Variants in IMMP2L observed in about 807,000 individuals in gnomAD.
The protein encoded by IMMP2L is inner mitochondrial membrane peptidase subunit 2.
Under a neutral mutation model 19.3 loss-of-function variants are expected in IMMP2L, and 18 were observed. The ratio of observed to expected loss-of-function variants is 0.93; its 90% confidence interval spans 0.64 to 1.38. The LOEUF is 1.38. Ranked by LOEUF, IMMP2L falls within the 40% of genes most tolerant of loss-of-function variation. The probability of loss-of-function intolerance (pLI) is 0.00; values close to 1 mark genes in which losing one functional copy is unlikely to be tolerated. For missense variants in IMMP2L, 233 were observed against 218.2 expected (o/e 1.07, Z -0.43); for synonymous variants, 76 against 73.0 (o/e 1.04, Z -0.21).
chr7:111,198,408 A>G (rs762139478), intron 3 of IMMP2L, among the ~76,000 whole-genome samples: 1 of 152,124 alleles, frequency 6.6e-6, no homozygotes, highest in Non-Finnish European at 1.5e-5. Context: ...CCTAACCCGT[A>G]CAAGCAGTTA....
chr7:111,109,868 G>A (rs947360675), intron 3 of IMMP2L, among the ~76,000 whole-genome samples: 15 of 152,194 alleles, frequency 9.9e-5, no homozygotes, highest in Non-Finnish European at 7.4e-5. Context: ...GGGCGCGGTG[G>A]CTCATGCCTG....
intron 3 of IMMP2L, among the ~76,000 whole-genome samples, chr7:111,267,195 C>T (rs1276544919): frequency 6.6e-6 from 1 of 151,928 alleles, no homozygotes; most frequent in Non-Finnish European, 1.5e-5. Flanking sequence ...GATAATCTTT[C>T]TTTCTTCTTA....
intron 3 of IMMP2L, among the ~76,000 whole-genome samples, chr7:110,972,964 A>C (rs950525000): frequency 1.3e-5 from 2 of 152,240 alleles, no homozygotes; most frequent in Admixed American, 6.5e-5. Context: ...TTAGCCTGAA[A>C]AACTTCTATT....
chr7:110,953,903 T>C (rs1818098510), intron 4 of IMMP2L, among the ~76,000 whole-genome samples: 1 of 152,180 alleles, frequency 6.6e-6, no homozygotes, highest in African/African-American at 2.4e-5. Context: ...TTTACTTGCA[T>C]TTCTCTGATG....
chr7:110,894,935 T>A (rs1256413655), intron 4 of IMMP2L, among the ~76,000 whole-genome samples: 2 of 152,184 alleles, frequency 1.3e-5, no homozygotes, highest in Non-Finnish European at 2.9e-5. Flanking sequence ...AAAAAACTAT[T>A]CTTTCTCCCT....
intron 3 of IMMP2L, among the ~76,000 whole-genome samples, chr7:111,039,400 T>C (rs2129570590): frequency 6.6e-6 from 1 of 152,306 alleles, no homozygotes; most frequent in South Asian, 2.1e-4. Context: ...TAAGCAAATC[T>C]CTATTAACCG....
At chr7:111,053,633 G>A (rs527620614) in intron 3 of IMMP2L, among the ~76,000 whole-genome samples, 4 of 152,252 alleles carry the variant, frequency 2.6e-5, no homozygotes, top group Admixed American at 2.0e-4. Flanking sequence ...TCCTGGTGGT[G>A]GGGGCTGAGG....
intron 3 of IMMP2L, among the ~76,000 whole-genome samples, chr7:111,282,548 C>G (rs1820010653): frequency 1.3e-5 from 2 of 151,920 alleles, no homozygotes; most frequent in South Asian, 4.2e-4. Flanking sequence ...ACAGATGATT[C>G]AACAATAATA....
intron 3 of IMMP2L, among the ~76,000 whole-genome samples, chr7:111,157,637 A>G (rs914955369): frequency 6.6e-6 from 1 of 152,106 alleles, no homozygotes; most frequent in African/African-American, 2.4e-5. Context: ...GGTTTGATAG[A>G]ATGAATAAGA....
At chr7:111,229,225 C>T (rs1284444382) in intron 3 of IMMP2L, among the ~76,000 whole-genome samples, 3 of 151,744 alleles carry the variant, frequency 2.0e-5, no homozygotes, top group Non-Finnish European at 4.4e-5. Flanking sequence ...TTTTATAATA[C>T]TTTTTTAAAA....
chr7:110,868,474 AG>A (rs1808221620), intron 5 of IMMP2L, among the ~76,000 whole-genome samples: 1 of 152,118 alleles, frequency 6.6e-6, no homozygotes, highest in South Asian at 2.1e-4. Context: ...ATCCAGGCCC[AG>A]AGGCTGGGGG....
At chr7:110,915,387 C>A (rs1045877101) in intron 4 of IMMP2L, among the ~76,000 whole-genome samples, 2 of 146,762 alleles carry the variant, frequency 1.4e-5, no homozygotes, top group African/African-American at 5.0e-5. Flanking sequence ...TGTGTAATAT[C>A]ACTTATGTGT....
intron 3 of IMMP2L, among the ~76,000 whole-genome samples, chr7:111,285,583 A>C (rs1820397227): frequency 6.6e-6 from 1 of 152,212 alleles, no homozygotes; most frequent in Non-Finnish European, 1.5e-5. Context: ...ATGCTCATGC[A>C]ATTCAATTTT....
chr7:111,307,557 T>A (rs753783895), intron 3 of IMMP2L, among the ~76,000 whole-genome samples: 2 of 151,712 alleles, frequency 1.3e-5, no homozygotes, highest in South Asian at 4.1e-4. Flanking sequence ...ATATATAACA[T>A]ATAAACTTTG....
chr7:111,335,853 A>C (rs2130727112), intron 3 of IMMP2L, among the ~76,000 whole-genome samples: 1 of 152,262 alleles, frequency 6.6e-6, no homozygotes, highest in South Asian at 2.1e-4. Context: ...GTATGTATAT[A>C]ATTTCATGGA....
intron 2 of IMMP2L, among the ~76,000 whole-genome samples, chr7:111,496,965 C>A (rs562724990): frequency 6.6e-6 from 1 of 152,084 alleles, no homozygotes; most frequent in South Asian, 2.1e-4. Context: ...TCTGTCTCTC[C>A]GGTGAGATCT....
chr7:110,728,370 G>A lies in IMMP2L; in HGVS notation c.409-64649C>T, dbSNP rs995388221. ...AAAAATTAGCTGGGCATAGTGGTGTGTGCCTGTAAACCCAGCTACTCGGGA... is the reference window on the plus strand; with the variant it reads ...AAAAATTAGCTGGGCATAGTGGTGTATGCCTGTAAACCCAGCTACTCGGGA... On this transcript the variant is annotated intron_variant, in intron 5 of 5. Transcript: ENST00000405709. This position sits in a 1 kb window ranked among gnomAD's most constrained non-coding sequence, Gnocchi z 4.6. Among the ~76,000 whole-genome samples, 1 of 152,020 alleles carries A rather than the reference G, an allele frequency of 6.6e-6. No homozygotes were observed. The highest frequency in any genetic ancestry group is 6.6e-5 in the Admixed American group (1 of 15,254).
intron 3 of IMMP2L, among the ~76,000 whole-genome samples, chr7:111,214,418 C>A (rs1414421568): frequency 1.5e-5 from 2 of 133,524 alleles, no homozygotes; most frequent in Non-Finnish European, 3.1e-5. Flanking sequence ...TCTCTGCTCA[C>A]TACAACCTCC....
intron 3 of IMMP2L, among the ~76,000 whole-genome samples, chr7:111,335,353 C>T (rs1826294067): frequency 1.3e-5 from 2 of 151,888 alleles, no homozygotes; most frequent in African/African-American, 2.4e-5. Flanking sequence ...AGCCAGACAA[C>T]ATGAAATGTA....
Sources: gnomAD v4.1 joint callset for allele counts (sites outside exome capture counted in the v4.1 genomes callset) on GRCh38, gnomAD v4.1.1 for gene constraint, Gnocchi (gnomAD v3.1) non-coding constraint, MANE v1.5 for transcripts, NCBI Gene and HGNC (gene_info 2026-07-23, HGNC 2026-07-21) for gene names.